The following RAD51B variants were observed in gnomAD, a reference collection of about 807,000 sequenced individuals.
The protein encoded by RAD51B is RAD51 paralog B.
RAD51B carries 38 observed loss-of-function variants against 42.2 expected under a neutral mutation model. That is an observed-to-expected ratio of 0.90 (90% CI 0.70 to 1.18). The LOEUF (loss-of-function observed/expected upper bound fraction) is 1.18, where lower values mean the gene tolerates loss of function less well. Ranked by LOEUF, RAD51B falls within the 50% of genes most tolerant of loss-of-function variation. The pLI is 0.00. For synonymous variants in RAD51B, 154 were observed against 145.2 expected (o/e 1.06, Z -0.43); for missense variants, 373 against 400.7 (o/e 0.93, Z 0.59).
intron 7 of RAD51B, among the ~76,000 whole-genome samples, chr14:68,154,395 G>A (rs1408759756): frequency 6.6e-6 from 1 of 152,114 alleles, no homozygotes; most frequent in Admixed American, 6.6e-5. Flanking sequence ...GTAAAAATAG[G>A]CATTATTCTT....
At chr14:68,283,719 T>C (rs373341889) in intron 7 of RAD51B, among the ~76,000 whole-genome samples, 11 of 152,266 alleles carry the variant, frequency 7.2e-5, no homozygotes, top group South Asian at 6.2e-4. Flanking sequence ...CCTCAGCCCA[T>C]TGGGGCCAGT....
chr14:68,374,800 T>C (rs189805133), intron 8 of RAD51B, among the ~76,000 whole-genome samples: 1 of 150,424 alleles, frequency 6.6e-6, no homozygotes. Context: ...TAGGTAACTT[T>C]GGTATGCTTC....
intron 7 of RAD51B, among the ~76,000 whole-genome samples, chr14:68,168,769 G>T (rs1213141553): frequency 6.6e-6 from 1 of 152,026 alleles, no homozygotes; most frequent in Admixed American, 6.6e-5. Flanking sequence ...TCAAAAATAG[G>T]TTAATTAACT....
chr14:68,662,779 C>G (rs1892959011), intron 11 of RAD51B, among the ~76,000 whole-genome samples: 1 of 152,222 alleles, frequency 6.6e-6, no homozygotes, highest in Non-Finnish European at 1.5e-5. Context: ...TAAGCCATCC[C>G]TTTCCTTGTA....
intron 9 of RAD51B, among the ~76,000 whole-genome samples, chr14:68,433,802 C>G (rs1206399385): frequency 6.6e-6 from 1 of 152,214 alleles, no homozygotes; most frequent in East Asian, 1.9e-4. Context: ...AGCTGCGTTC[C>G]TTTGGAGGGG....
At chr14:68,668,474 G>A (rs751263685) in intron 11 of RAD51B, among the ~76,000 whole-genome samples, 2 of 152,184 alleles carry the variant, frequency 1.3e-5, no homozygotes, top group Non-Finnish European at 2.9e-5. Flanking sequence ...CTGGCCAAAC[G>A]GATGTGGACA....
chr14:67,930,504 A>G (rs1566964271), intron 7 of RAD51B, among the ~76,000 whole-genome samples: 2 of 151,828 alleles, frequency 1.3e-5, no homozygotes, highest in Admixed American at 6.6e-5. Context: ...TTCTTTTGGC[A>G]CTTTGAATAT....
At chr14:68,264,422 G>C (rs2080947502) in intron 7 of RAD51B, among the ~76,000 whole-genome samples, 1 of 152,244 alleles carries the variant, frequency 6.6e-6, no homozygotes. Flanking sequence ...ATTTACCAGA[G>C]TAGAAGAGAA....
At chr14:68,549,196 T>A (rs1482833410) in intron 10 of RAD51B, among the ~76,000 whole-genome samples, 1 of 151,424 alleles carries the variant, frequency 6.6e-6, no homozygotes, top group African/African-American at 2.4e-5. Flanking sequence ...GGTGACTGAG[T>A]CAGACTTGGA....
At chr14:68,003,777 G>A (rs763672519) in intron 7 of RAD51B, among the ~76,000 whole-genome samples, 20 of 152,042 alleles carry the variant, frequency 1.3e-4, no homozygotes, top group Non-Finnish European at 2.1e-4. Context: ...TGAGATAATC[G>A]TGGTTTTTTT....
chr14:68,494,241 T>C (rs1884316066), intron 10 of RAD51B, among the ~76,000 whole-genome samples: 1 of 149,210 alleles, frequency 6.7e-6, no homozygotes, highest in Non-Finnish European at 1.5e-5. Flanking sequence ...GGTCACGCCA[T>C]TGCACTCCAG....
intron 8 of RAD51B, among the ~76,000 whole-genome samples, chr14:68,303,298 A>G (rs1477388024): frequency 6.6e-6 from 1 of 152,216 alleles, no homozygotes; most frequent in East Asian, 1.9e-4. Flanking sequence ...GGGGAGAGAA[A>G]CATCACACAC....
intron 8 of RAD51B, among the ~76,000 whole-genome samples, chr14:68,396,803 A>T (rs1023520186): frequency 6.6e-6 from 1 of 152,242 alleles, no homozygotes; most frequent in Non-Finnish European, 1.5e-5. Flanking sequence ...TGAGGAAAAG[A>T]AAATGAATGG....
chr14:68,417,895 C>G (rs759993151), intron 9 of RAD51B, among the ~76,000 whole-genome samples: 1 of 152,134 alleles, frequency 6.6e-6, no homozygotes, highest in Non-Finnish European at 1.5e-5. Context: ...TGGAAATTGC[C>G]AGCTGAAAAT....
chr14:68,063,903 T>C (rs2076608628), intron 7 of RAD51B, among the ~76,000 whole-genome samples: 1 of 152,232 alleles, frequency 6.6e-6, no homozygotes, highest in African/African-American at 2.4e-5. Flanking sequence ...ACTCTTGTTA[T>C]TTTGTTATTT....
At position 67,932,705 on chromosome 14, in the gene RAD51B, G is replaced by A. The variant is rs115417248; in HGVS notation, c.756+45501G>A. Among the ~76,000 whole-genome samples the A allele has an allele frequency of 7.1e-3, 1,077 of 152,216 alleles. 12 individuals carry two copies. The highest frequency in any genetic ancestry group is 0.024 in the African/African-American group (1,011 of 41,516). ...TGCTAATGTTGATGGTGGCTGTGAT[G>A]CAGGGTCACTATCCACAGCCCCAGA... On this transcript the variant is annotated intron_variant, in intron 7 of 10. Transcript: ENST00000471583.
At chr14:68,324,653 A>G (rs2082216629) in intron 8 of RAD51B, among the ~76,000 whole-genome samples, 1 of 152,232 alleles carries the variant, frequency 6.6e-6, no homozygotes, top group East Asian at 1.9e-4. Context: ...AATGTTGAAT[A>G]TAAAGTTTTT....
At chr14:68,187,275 A>G (rs2079177568) in intron 7 of RAD51B, among the ~76,000 whole-genome samples, 1 of 152,208 alleles carries the variant, frequency 6.6e-6, no homozygotes, top group Non-Finnish European at 1.5e-5. Context: ...GTACCTAAAT[A>G]AGGGGATCAT....
At chr14:68,561,873 G>C in intron 10 of RAD51B, 1 of 824,468 alleles carries the variant, frequency 1.2e-6, no homozygotes, top group Non-Finnish European at 1.5e-6. Context: ...TCCTCTGCTG[G>C]AAAAGGAGGA....
Sources: allele counts gnomAD v4.1 joint callset (sites outside exome capture counted in the v4.1 genomes callset), GRCh38; gene constraint gnomAD v4.1.1; transcripts MANE v1.5; gene names NCBI Gene and HGNC (gene_info 2026-07-23, HGNC 2026-07-21).